TTLL5: variants seen among roughly 807,000 people sequenced by gnomAD.
TTLL5 encodes the protein tubulin polyglutamylase TTLL5.
A neutral mutation model predicts 168.4 loss-of-function variants in TTLL5; 132 were observed. The ratio of observed to expected loss-of-function variants is 0.78; its 90% CI spans 0.68 to 0.91. The LOEUF is 0.91. Ranked by LOEUF, TTLL5 falls within the 40% of genes least tolerant of loss-of-function variation. TTLL5 has a pLI of 0.00. For synonymous variants in TTLL5, 546 were observed against 558.6 expected (o/e 0.98, Z 0.32); for missense variants, 1,545 against 1,581.5 (o/e 0.98, Z 0.39).
intron 31 of TTLL5, among the ~76,000 whole-genome samples, chr14:75,914,698 A>G (rs536250511): frequency 7.1e-6 from 1 of 141,722 alleles, no homozygotes; most frequent in Non-Finnish European, 1.5e-5. Context: ...ATCTCGGCTC[A>G]CTGCAAGCTC....
rs75055105 is a variant in TTLL5 at position 75,684,118 on chromosome 14, A to T, written c.371+462A>T. ...GTACGGAACAGCACTCTGCAAATCA[A>T]ACTGTTGTGTTCATATCCCTGAGCA... On this transcript the variant is annotated intron_variant, in intron 5 of 31. Coordinates refer to ENST00000298832, the MANE Select transcript of TTLL5 (RefSeq NM_015072.5). 5.1e-3 allele frequency: 855 copies of T among 167,530 alleles called. 3 individuals carry two copies. The highest frequency in any genetic ancestry group is 9.1e-3 in the Admixed American group (157 of 17,348). The allele number at this position is 167,530 out of a possible 1,614,324, so 10.4% of individuals were successfully genotyped here.
intron 2 of TTLL5, among the ~76,000 whole-genome samples, chr14:75,667,762 T>TTG (rs1883389431): frequency 6.9e-6 from 1 of 144,358 alleles, no homozygotes; most frequent in Non-Finnish European, 1.5e-5. Context: ...TTTTTTTTTT[T>TTG]TTTTTTTTTT....
chr14:75,726,719 C>T (rs1472769387), intron 12 of TTLL5, among the ~76,000 whole-genome samples: 1 of 151,938 alleles, frequency 6.6e-6, no homozygotes, highest in East Asian at 1.9e-4. Flanking sequence ...CTAAATATAG[C>T]GTGCATAGAA....
chr14:75,693,447 G>A (rs2140142553), intron 6 of TTLL5, among the ~76,000 whole-genome samples: 1 of 152,322 alleles, frequency 6.6e-6, no homozygotes, highest in Non-Finnish European at 1.5e-5. Flanking sequence ...TAAAGATATA[G>A]CCTAGAGACT....
intron 30 of TTLL5, among the ~76,000 whole-genome samples, chr14:75,883,964 C>T (rs2031958448): frequency 6.6e-6 from 1 of 152,212 alleles, no homozygotes; most frequent in Non-Finnish European, 1.5e-5. Context: ...TGCCTGGATT[C>T]ACATCCTCAG....
rs1204915460 is a variant in TTLL5 at position 75,707,028 on chromosome 14, T to C, written c.596T>C (p.Ile199Thr). 6 of 1,609,214 alleles carry C rather than the reference T, an allele frequency of 3.7e-6. No homozygotes were observed. ...GVYLINNPNQ[I>T]SLEENILVSR... Reference sequence around the variant, plus strand: ...CTCTTTACTCAATAGCCAAACCAGATCTCCCTGGAAGAGAACATTTTGGTC... The same window carrying C: ...CTCTTTACTCAATAGCCAAACCAGACCTCCCTGGAAGAGAACATTTTGGTC... Residue 199 changes from isoleucine to threonine, a missense_variant, in exon 8 of 32, where the codon ATC becomes ACC. Transcript: ENST00000298832.
At chr14:75,801,841 TACTC>T (rs1893342432) in intron 27 of TTLL5, among the ~76,000 whole-genome samples, 1 of 152,228 alleles carries the variant, frequency 6.6e-6, no homozygotes, top group African/African-American at 2.4e-5. Flanking sequence ...TTTAGTTTCT[TACTC>T]ACTGAGTCAA....
intron 21 of TTLL5, among the ~76,000 whole-genome samples, chr14:75,774,638 C>T (rs1237486756): frequency 6.6e-6 from 1 of 152,110 alleles, no homozygotes; most frequent in Admixed American, 6.6e-5. Context: ...AAGCATTTGA[C>T]ATGGAACCCT....
At chr14:75,919,210 A>AG (rs1282830235) in intron 31 of TTLL5, among the ~76,000 whole-genome samples, 1 of 149,828 alleles carries the variant, frequency 6.7e-6, no homozygotes. Context: ...AAAAAAAAAA[A>AG]AAAAAAAAAA....
In TTLL5 at chr14:75,720,608, A is replaced by G. The variant is rs1953757971; in HGVS notation, c.947A>G (p.His316Arg). The G allele has an allele frequency of 3.7e-6, 6 of 1,613,440 alleles. No individual in the cohort carries two copies. The highest frequency in any genetic ancestry group is 1.7e-5 in the Admixed American group (1 of 60,008). The change falls in exon 12 of 32, where the codon CAT (histidine) becomes CGT (arginine). Residue 316 changes from histidine (H) to arginine (R), a missense_variant. Coordinates refer to ENST00000298832, the MANE Select transcript of TTLL5 (RefSeq NM_015072.5). ...TTTTTGTTTGCAGCATTGATGGCCC[A>G]TGTAGAAGACCTGATCATTAAGACT... ...EGRDTTALMA[H>R]VEDLIIKTII... is the part of the protein sequence containing the mutation.
At chr14:75,877,875 A>G (rs1043831191) in intron 29 of TTLL5, among the ~76,000 whole-genome samples, 1 of 152,152 alleles carries the variant, frequency 6.6e-6, no homozygotes. Context: ...TTTACACACA[A>G]CCATTTATAT....
At chr14:75,874,376 G>A (rs2031289837) in intron 29 of TTLL5, among the ~76,000 whole-genome samples, 1 of 152,180 alleles carries the variant, frequency 6.6e-6, no homozygotes, top group Admixed American at 6.5e-5. Flanking sequence ...ACAAGTGTGA[G>A]CCACCGCACC....
intron 30 of TTLL5, chr14:75,887,395 G>A (rs2032175341): frequency 2.3e-6 from 2 of 876,806 alleles, no homozygotes; most frequent in East Asian, 1.2e-4. Context: ...TTCTTGAGGT[G>A]AGCATAGAAG....
At chr14:75,850,338 A>G (rs754101503) in intron 28 of TTLL5, among the ~76,000 whole-genome samples, 17 of 147,142 alleles carry the variant, frequency 1.2e-4, no homozygotes, top group Non-Finnish European at 1.6e-4. Context: ...CCTGGGAGGC[A>G]GAGGTTGCAG....
At chr14:75,792,491 C>T (rs1892784814) in intron 26 of TTLL5, among the ~76,000 whole-genome samples, 1 of 151,756 alleles carries the variant, frequency 6.6e-6, no homozygotes, top group East Asian at 1.9e-4. Flanking sequence ...CCCTTTTGAG[C>T]TTTCTAAGTA....
At chr14:75,675,954 C>T (rs1213323847) in intron 3 of TTLL5, among the ~76,000 whole-genome samples, 1 of 152,106 alleles carries the variant, frequency 6.6e-6, no homozygotes, top group Non-Finnish European at 1.5e-5. Flanking sequence ...GTTGGTGGTC[C>T]AGTTTGAAAG....
intron 27 of TTLL5, among the ~76,000 whole-genome samples, chr14:75,811,162 T>A (rs756963593): frequency 0.016 from 2,089 of 134,742 alleles, 24 homozygotes; most frequent in African/African-American, 0.029. Flanking sequence ...AAAGAGTGTG[T>A]GTGTGTGTGT....
chr14:75,696,766 G>A (rs978232138), intron 6 of TTLL5, among the ~76,000 whole-genome samples: 4 of 152,136 alleles, frequency 2.6e-5, no homozygotes, highest in Non-Finnish European at 1.5e-5. Context: ...ATACCCTCTA[G>A]AGATATTCTT....
intron 27 of TTLL5, among the ~76,000 whole-genome samples, chr14:75,795,211 T>A (rs1174722655): frequency 2.0e-5 from 3 of 152,200 alleles, no homozygotes; most frequent in Non-Finnish European, 4.4e-5. Context: ...CTTCACTGAT[T>A]GATGAGGAAA....
Sources: allele counts gnomAD v4.1 joint callset (sites outside exome capture counted in the v4.1 genomes callset), GRCh38; gene constraint gnomAD v4.1.1; transcripts MANE v1.5; gene names NCBI Gene and HGNC (gene_info 2026-07-23, HGNC 2026-07-21).